The following MYO9A variants were observed in gnomAD, a reference collection of about 807,000 sequenced individuals.
MYO9A encodes the protein myosin IXA, also known as unconventional myosin-IXa.
A neutral mutation model predicts 293.3 loss-of-function variants in MYO9A; 103 were observed. The observed-to-expected ratio is 0.35, with a 90% CI of 0.30 to 0.41. The LOEUF is 0.41. MYO9A is among the 10% of genes least tolerant of loss of function. The pLI is 1.00. For synonymous variants in MYO9A, 1,001 were observed against 1,035.7 expected (o/e 0.97, Z 0.64); for missense variants, 2,685 against 3,033.0 (o/e 0.89, Z 2.69).
At chr15:72,009,051 C>A (rs2148912325) in intron 7 of MYO9A, among the ~76,000 whole-genome samples, 1 of 152,078 alleles carries the variant, frequency 6.6e-6, no homozygotes, top group East Asian at 1.9e-4. Flanking sequence ...TTGAATCATT[C>A]ACGTGACTCA....
chr15:72,004,510 T>C (rs761207899), intron 8 of MYO9A, among the ~76,000 whole-genome samples: 2 of 152,210 alleles, frequency 1.3e-5, no homozygotes, highest in South Asian at 2.1e-4. Context: ...TGAGCCAAGA[T>C]TGCACCACTG....
At chr15:71,902,900 A>G in intron 22 of MYO9A, 41 bp downstream of exon 22, 1 of 1,407,184 alleles carries the variant, frequency 7.1e-7, no homozygotes, top group Non-Finnish European at 9.5e-7. Context: ...TTTTAAATAA[A>G]TGCACTCAAT....
chr15:71,853,645 T>G (rs2055748437), intron 35 of MYO9A, among the ~76,000 whole-genome samples: 1 of 152,216 alleles, frequency 6.6e-6, no homozygotes, highest in East Asian at 1.9e-4. Context: ...TCTGTTTAGT[T>G]CAAAAAGATC....
chr15:71,949,996 A>G (rs951589860), intron 15 of MYO9A, among the ~76,000 whole-genome samples: 1 of 152,130 alleles, frequency 6.6e-6, no homozygotes, highest in African/African-American at 2.4e-5. Context: ...GTCTTTTTCC[A>G]GTACTTTTAA....
intron 11 of MYO9A, among the ~76,000 whole-genome samples, chr15:71,988,528 T>C (rs2076460536): frequency 6.6e-6 from 1 of 152,220 alleles, no homozygotes; most frequent in Admixed American, 6.5e-5. Context: ...TAAGCATTCA[T>C]CAAGTTGGCC....
chr15:72,017,179 C>A (rs1289146284), intron 6 of MYO9A, among the ~76,000 whole-genome samples: 1 of 152,008 alleles, frequency 6.6e-6, no homozygotes, highest in South Asian at 2.1e-4. Flanking sequence ...TATCACTATA[C>A]CTGGCTTAAA....
chr15:71,879,825 C>A lies in MYO9A; in HGVS notation c.5635G>T (p.Asp1879Tyr). 6.2e-7 allele frequency: 1 copy of A among 1,609,958 alleles called. No homozygotes were observed. The highest frequency in any genetic ancestry group is 8.5e-7 in the Non-Finnish European group (1 of 1,176,928). Residue 1879 changes from aspartate (D) to tyrosine (Y), a missense_variant, in exon 30 of 42, where the codon GAT becomes TAT. Coordinates refer to ENST00000356056, the MANE Select transcript of MYO9A (RefSeq NM_006901.4). ...GTATCCTTCTTGCTGTCTTCATTAT[C>A]TAGGTCATTCACCTGGGAACCACAA... ...EFLLKKVNDLDNEDSKKDTLV... is the reference protein window; with the variant it reads ...EFLLKKVNDLYNEDSKKDTLV...
At chr15:71,914,767 T>C (rs1035573812) in intron 19 of MYO9A, among the ~76,000 whole-genome samples, 1 of 152,314 alleles carries the variant, frequency 6.6e-6, no homozygotes, top group African/African-American at 2.4e-5. Flanking sequence ...TTCTAAAAAT[T>C]AAATATAATT....
intron 18 of MYO9A, among the ~76,000 whole-genome samples, chr15:71,926,396 T>C (rs2058314880): frequency 6.6e-6 from 1 of 152,074 alleles, no homozygotes; most frequent in Non-Finnish European, 1.5e-5. Context: ...AGACCCTGCA[T>C]ATTTTTGTTT....
intron 35 of MYO9A, among the ~76,000 whole-genome samples, chr15:71,852,678 A>C (rs1250913597): frequency 6.6e-6 from 1 of 152,184 alleles, no homozygotes; most frequent in Non-Finnish European, 1.5e-5. Flanking sequence ...CATGTTTCTT[A>C]GTCAAACTGA....
chr15:71,901,456 G>C, intron 22 of MYO9A, 116 bp from the exon 23 acceptor site: 1 of 990,086 alleles, frequency 1.0e-6, no homozygotes, highest in Non-Finnish European at 1.5e-6. Context: ...TGGCAGGCAT[G>C]TAAATGAAGT....
intron 15 of MYO9A, among the ~76,000 whole-genome samples, chr15:71,945,940 G>A (rs1030052852): frequency 6.6e-6 from 1 of 152,186 alleles, no homozygotes; most frequent in African/African-American, 2.4e-5. Flanking sequence ...AAAATAGAAT[G>A]AGCGTGGTAT....
At chr15:71,965,821 T>C (rs952730200) in intron 13 of MYO9A, among the ~76,000 whole-genome samples, 1 of 152,192 alleles carries the variant, frequency 6.6e-6, no homozygotes, top group African/African-American at 2.4e-5. Flanking sequence ...TTTATCATTA[T>C]AAAATGTCCC....
chr15:71,939,954 G>C (rs545448483), intron 15 of MYO9A, among the ~76,000 whole-genome samples: 1 of 152,342 alleles, frequency 6.6e-6, no homozygotes, highest in South Asian at 2.1e-4. Context: ...GTGGTGGCCA[G>C]GTGTAGTCAC....
At chr15:71,940,852 T>G (rs1295117212) in intron 15 of MYO9A, among the ~76,000 whole-genome samples, 1 of 152,000 alleles carries the variant, frequency 6.6e-6, no homozygotes, top group Non-Finnish European at 1.5e-5. Flanking sequence ...GTCCAAGAGT[T>G]CAAGGCTACA....
chr15:72,008,420 G>A (rs2077074888), intron 7 of MYO9A, among the ~76,000 whole-genome samples: 1 of 147,928 alleles, frequency 6.8e-6, no homozygotes, highest in Admixed American at 6.8e-5. Flanking sequence ...CCATAGTATG[G>A]TGTTTGAGGT....
chr15:71,928,041 TATA>T (rs2058363552), intron 18 of MYO9A, among the ~76,000 whole-genome samples: 1 of 10,114 alleles, frequency 9.9e-5, no homozygotes, highest in Non-Finnish European at 5.5e-4. Flanking sequence ...TATATATATA[TATA>T]TATATATATA....
intron 1 of MYO9A, among the ~76,000 whole-genome samples, chr15:72,092,343 A>G (rs888403832): frequency 2.0e-5 from 3 of 152,236 alleles, no homozygotes; most frequent in East Asian, 1.9e-4. Flanking sequence ...GAAAAGAATG[A>G]TGGGAGAAAG....
chr15:71,850,292 T>A (rs2055579298), intron 37 of MYO9A, 125 bp from the exon 38 acceptor site: 5 of 1,113,060 alleles, frequency 4.5e-6, no homozygotes, highest in Non-Finnish European at 6.4e-6. Flanking sequence ...ACTAGAAGGA[T>A]ATCCATTAAG....
Sources: gnomAD v4.1 joint callset for allele counts (sites outside exome capture counted in the v4.1 genomes callset) on GRCh38, gnomAD v4.1.1 for gene constraint, MANE v1.5 for transcripts, NCBI Gene and HGNC (gene_info 2026-07-23, HGNC 2026-07-21) for gene names.